Variants in USP31 observed in about 807,000 individuals in gnomAD.
The protein encoded by USP31 is ubiquitin carboxyl-terminal hydrolase 31.
USP31 carries 44 observed loss-of-function variants against 119.4 expected under a neutral mutation model. That is an observed-to-expected ratio of 0.37 (90% CI 0.29 to 0.47). The LOEUF is 0.47. Among genes scored for constraint, USP31 ranks in the 20% least tolerant of loss-of-function variants. USP31 has a pLI of 0.99. For synonymous variants in USP31, 749 were observed against 705.6 expected, an observed-to-expected ratio of 1.06 and a Z score of -0.97; for missense variants, 1,643 against 1,730.2, an observed-to-expected ratio of 0.95 and a Z score of 0.89.
chr16:23,071,607 TG>T (rs1487466447), intron 15 of USP31, among the ~76,000 whole-genome samples: 3 of 152,182 alleles, frequency 2.0e-5, no homozygotes, highest in Non-Finnish European at 2.9e-5. Flanking sequence ...AGCAGCATGT[TG>T]GAAGGTGAGG....
rs1437365732 is a variant in USP31 at position 23,090,756 on chromosome 16, T to C, written c.1283A>G (p.Tyr428Cys). 5 of 1,610,488 alleles carry C rather than the reference T, an allele frequency of 3.1e-6. No homozygotes were observed. Among genetic ancestry groups the C allele is most frequent in the South Asian group, 1.1e-5 (1 of 90,660 alleles). ...TTGTGTAGGAGAAGACAGTCTATGATAATCCAAGCCAAATTTCAAGTGGTT... is the reference window on the plus strand; with the variant it reads ...TTGTGTAGGAGAAGACAGTCTATGACAATCCAAGCCAAATTTCAAGTGGTT... ...NLNHLKFGLD[Y>C]HRLSSPTQTA... is the part of the protein sequence containing the mutation. Residue 428 changes from tyrosine to cysteine, a missense_variant, in exon 7 of 16, where the codon TAT becomes TGT. Physicochemically the swap from Tyr to Cys is radical, Grantham distance 194. Coordinates refer to ENST00000219689, the MANE Select transcript of USP31 (RefSeq NM_020718.4).
In USP31 at chr16:23,123,565, A is replaced by G. The variant is rs183109856; in HGVS notation, c.634-15382T>C. Among the ~76,000 whole-genome samples the G allele has an allele frequency of 4.6e-5, 7 of 152,240 alleles. No homozygotes were observed. The East Asian group carries it at 1.2e-3, about 25-fold the overall frequency. On this transcript the variant is annotated intron_variant, in intron 1 of 15. Coordinates refer to ENST00000219689, the MANE Select transcript of USP31 (RefSeq NM_020718.4). ...ATAAATAAATAAATAAATAAAATAA[A>G]AAATAAGAAAGTTGACATTAAAAAG...
chr16:23,063,345 A>G lies in USP31; in HGVS notation c.*4701T>C, dbSNP rs570156166. 1 of 152,580 alleles carries G rather than the reference A, an allele frequency of 6.6e-6. No homozygotes were observed. The highest frequency in any genetic ancestry group is 1.9e-4 in the East Asian group (1 of 5,188). 9.5% of individuals were successfully genotyped at this position (152,580 alleles called of 1,614,324 possible). On this transcript the variant is annotated 3_prime_UTR_variant, in exon 16 of 16. Transcript: ENST00000219689. The stretch of plus-strand genomic sequence containing the variant: ...TGTGATCAGTGGCTGGGAAGCCCCA[A>G]AGCTTTTCAAAATAGCTCTAAGTCT...
rs574306983 is a variant in USP31 at position 23,100,859 on chromosome 16, G to A, written c.1234+1460C>T. 2.0e-5 allele frequency among the ~76,000 whole-genome samples: 3 copies of A among 152,298 alleles called. No individual in the cohort carries two copies. The East Asian group carries it at 5.8e-4, about 29-fold the overall frequency. On this transcript the variant is annotated intron_variant, in intron 6 of 15. Coordinates refer to ENST00000219689, the MANE Select transcript of USP31 (RefSeq NM_020718.4). ...GGAGCTAACGAGAATAGAAGCTGGA[G>A]AAGTGAATCCTCAGCACAGCAAATG...
intron 1 of USP31, among the ~76,000 whole-genome samples, chr16:23,142,514 G>C (rs898864503): frequency 2.6e-5 from 4 of 152,150 alleles, no homozygotes; most frequent in African/African-American, 9.7e-5. Flanking sequence ...GTACTGATAA[G>C]GCCACCCAGG....
chr16:23,108,682 C>T (rs4967946), intron 1 of USP31, among the ~76,000 whole-genome samples: 24,585 of 152,074 alleles, frequency 0.16, 2,516 homozygotes, highest in Admixed American at 0.26. Context: ...TAGACATATA[C>T]ATACAAAGAA....
chr16:23,118,357 T>C (rs1902563970), intron 1 of USP31, among the ~76,000 whole-genome samples: 2 of 152,200 alleles, frequency 1.3e-5, no homozygotes, highest in African/African-American at 4.8e-5. Flanking sequence ...ATCTAAAGCA[T>C]TAGTTCTCAA....
At chr16:23,096,836 A>G (rs1041687565) in intron 6 of USP31, among the ~76,000 whole-genome samples, 7 of 152,258 alleles carry the variant, frequency 4.6e-5, no homozygotes, top group African/African-American at 1.4e-4. Context: ...GGACACATTT[A>G]AAGCAGTGTG....
chr16:23,144,812 A>G (rs548823803), intron 1 of USP31, among the ~76,000 whole-genome samples: 1 of 152,164 alleles, frequency 6.6e-6, no homozygotes, highest in South Asian at 2.1e-4. Flanking sequence ...TATTCAAAAT[A>G]ATACCCATCA....
Position 23,082,672 on chromosome 16 carries a change from G to A in USP31, c.1831-115C>T, listed in dbSNP as rs1900885260. The A allele has an allele frequency of 2.9e-6, 4 of 1,388,230 alleles. No individual in the cohort carries two copies. In the Admixed American group the frequency reaches 8.4e-5, roughly 29 times the overall value. 86.0% of individuals were successfully genotyped at this position (1,388,230 alleles called of 1,614,324 possible). A position where few individuals can be genotyped will look rare whatever the true frequency, so the allele number is the denominator to read the frequency against. ...ACTCAAAATCTCTCTGTAAACCGCA[G>A]ATGCTGGGCATCAATGGAATAACAC... On this transcript the variant is annotated intron_variant, in intron 11 of 15. Transcript: ENST00000219689.
In USP31 at chr16:23,149,412, G is replaced by A; in HGVS notation, c.-142C>T. On this transcript the variant is annotated 5_prime_UTR_variant, in exon 1 of 16. Transcript: ENST00000219689. ...CACACCTCAAAGCGCAGCCGAGCCA[G>A]CGAGCGAGCGGCGGCCGGCGGGGCC... The A allele has an allele frequency of 5.2e-6, 5 of 958,210 alleles. No individual in the cohort carries two copies. The highest frequency in any genetic ancestry group is 4.8e-5 in the South Asian group (1 of 20,862). 59.4% of individuals were successfully genotyped at this position (958,210 alleles called of 1,614,324 possible). A position where few individuals can be genotyped will look rare whatever the true frequency, so the allele number is the denominator to read the frequency against.
At chr16:23,087,235 A>T (rs777852805) in intron 8 of USP31, 49 bp from the exon 9 acceptor site, 2 of 1,556,780 alleles carry the variant, frequency 1.3e-6, no homozygotes, top group Admixed American at 1.8e-5. Flanking sequence ...CTTCAAGGGC[A>T]TCTGTTTCAC....
chr16:23,132,332 GTT>G (rs371381341), intron 1 of USP31, among the ~76,000 whole-genome samples: 9 of 125,040 alleles, frequency 7.2e-5, no homozygotes, highest in Admixed American at 1.6e-4. Context: ...AATATAAAAG[GTT>G]TTTTTTTTTT....
At chr16:23,148,564 G>A in intron 1 of USP31, 74 bp downstream of exon 1, 1 of 1,389,186 alleles carries the variant, frequency 7.2e-7, no homozygotes, top group South Asian at 1.6e-5. Context: ...AGGAACCGAG[G>A]GAAGGAAGAC....
intron 11 of USP31, among the ~76,000 whole-genome samples, chr16:23,082,831 C>CTTTTTTTTTTTTTTTT (rs71151692): frequency 7.7e-6 from 1 of 129,330 alleles, no homozygotes; most frequent in African/African-American, 2.8e-5. Context: ...CTTTCTCTCT[C>CTTTTTTTTTTTTTTTT]TTTTTTTTTT....
intron 12 of USP31, among the ~76,000 whole-genome samples, chr16:23,081,349 A>C (rs1900815518): frequency 6.6e-6 from 1 of 152,132 alleles, no homozygotes; most frequent in Non-Finnish European, 1.5e-5. Flanking sequence ...GTGGGTGCCA[A>C]ATGCCCACTC....
rs766874067 is a variant in USP31, at chr16:23,108,181, A to G, written c.636T>C (p.Thr212=). The G allele has an allele frequency of 6.2e-7, 1 of 1,608,084 alleles. No homozygotes were observed. Among genetic ancestry groups the G allele is most frequent in the African/African-American group, 1.3e-5 (1 of 74,662 alleles). The change falls in exon 2 of 16, where the codon ACT becomes ACC. Residue 212 remains threonine, a splice_region_variant and synonymous_variant. Coordinates refer to ENST00000219689, the MANE Select transcript of USP31 (RefSeq NM_020718.4). ...YTPQHSRDFK[T]IVSKNALQYR... ...ACTGCAGTGCATTCTTTGACACAAT[A>G]GTCTATGCAGGTAAATAAATCACCA...
In USP31 at chr16:23,068,721, T is replaced by C; in HGVS notation, c.3384A>G (p.Thr1128=). The C allele has an allele frequency of 6.2e-7, 1 of 1,612,306 alleles. No homozygotes were observed. The highest frequency in any genetic ancestry group is 8.5e-7 in the Non-Finnish European group (1 of 1,179,270). Residue 1128 remains threonine (T), a synonymous_variant, in exon 16 of 16, where the codon ACA becomes ACG. Coordinates refer to ENST00000219689, the MANE Select transcript of USP31 (RefSeq NM_020718.4). ...ASALTYTASS[T]SAKKASGPAT... ...CAGGGCCCGAGGCCTTTTTGGCAGA[T>C]GTGGAGGAAGCAGTGTAGGTGAGGG...
intron 1 of USP31, among the ~76,000 whole-genome samples, chr16:23,140,719 T>A (rs183091430): frequency 1.3e-5 from 2 of 152,230 alleles, no homozygotes; most frequent in African/African-American, 4.8e-5. Flanking sequence ...ATCTCCTGAG[T>A]GTACTATTTA....
Sources: gnomAD v4.1 joint callset for allele counts (sites outside exome capture counted in the v4.1 genomes callset) on GRCh38, gnomAD v4.1.1 for gene constraint, MANE v1.5 for transcripts, NCBI Gene and HGNC (gene_info 2026-07-23, HGNC 2026-07-21) for gene names.